Variants in NDUFAF5 observed in about 807,000 individuals in gnomAD.
NDUFAF5 encodes NADH:ubiquinone oxidoreductase complex assembly factor 5.
A neutral mutation model predicts 48.9 loss-of-function variants in NDUFAF5; 34 were observed. That is an observed-to-expected ratio of 0.70 (90% CI 0.53 to 0.93). NDUFAF5 has a LOEUF of 0.93. Ranked by LOEUF, NDUFAF5 falls within the 40% of genes least tolerant of loss-of-function variation. The probability of loss-of-function intolerance (pLI) is 0.00; values close to 1 mark genes in which losing one functional copy is unlikely to be tolerated. For missense variants in NDUFAF5, 428 were observed against 427.5 expected, an observed-to-expected ratio of 1.00 and a Z score of -0.01; for synonymous variants, 153 against 150.6, an observed-to-expected ratio of 1.02 and a Z score of -0.12.
chr20:13,814,508 G>T, intron 8 of NDUFAF5: 1 of 1,280,474 alleles, frequency 7.8e-7, no homozygotes, highest in Non-Finnish European at 1.0e-6. Flanking sequence ...TTTCACAGTG[G>T]TCTTAAGGTA....
chr20:13,816,309 G>T (rs926660556), intron 8 of NDUFAF5, 154 bp from the exon 9 acceptor site: 3 of 703,458 alleles, frequency 4.3e-6, no homozygotes, highest in African/African-American at 3.5e-5. Flanking sequence ...AAGAAACCCA[G>T]TTATAATCTG....
At position 13,798,454 on chromosome 20, in the gene NDUFAF5, ATT is replaced by A; in HGVS notation, c.480-4_480-3del. 6.2e-7 allele frequency: 1 copy of A among 1,606,836 alleles called. No homozygotes were observed. The highest frequency in any genetic ancestry group is 8.5e-7 in the Non-Finnish European group (1 of 1,173,592). ...AGCTAAAACAAATCTGTATTCTCAT[ATT>A]TTAGTTTGCATTGGGTGAATGACCT... On this transcript the variant is annotated splice_polypyrimidine_tract_variant and splice_region_variant and intron_variant, in intron 5 of 10. Coordinates refer to ENST00000378106, the MANE Select transcript of NDUFAF5 (RefSeq NM_024120.5).
chr20:13,811,001 C>G (rs1985788063), intron 8 of NDUFAF5, among the ~76,000 whole-genome samples: 1 of 152,094 alleles, frequency 6.6e-6, no homozygotes, highest in Admixed American at 6.5e-5. Flanking sequence ...TGACCATCAA[C>G]AGGAGGTGGC....
At chr20:13,790,350 C>T (rs544314141) in intron 3 of NDUFAF5, among the ~76,000 whole-genome samples, 2 of 152,190 alleles carry the variant, frequency 1.3e-5, no homozygotes, top group East Asian at 3.9e-4. Flanking sequence ...CGCCAAAAAA[C>T]ATTTTTATTG....
At chr20:13,797,590 G>A (rs1212570769) in intron 5 of NDUFAF5, among the ~76,000 whole-genome samples, 1 of 152,134 alleles carries the variant, frequency 6.6e-6, no homozygotes, top group Non-Finnish European at 1.5e-5. Context: ...GTAGGGGAAG[G>A]ATGAATAGGT....
Position 13,785,088 on chromosome 20 carries a change from T to A in NDUFAF5, c.20T>A (p.Leu7His). The part of the protein sequence containing the change: MLRPAG[L>H]WRLCRRPWAA... ...CTGGAGATGCTGCGGCCGGCAGGGC[T>A]CTGGCGCTTATGTCGGCGACCTTGG... Residue 7 changes from leucine to histidine, a missense_variant, in exon 1 of 11, where the codon CTC becomes CAC. Physicochemically the swap from Leu to His is moderately conservative, Grantham distance 99. Transcript: ENST00000378106. The A allele has an allele frequency of 6.2e-7, 1 of 1,612,710 alleles. No individual in the cohort carries two copies. Among genetic ancestry groups the A allele is most frequent in the Non-Finnish European group, 8.5e-7 (1 of 1,179,896 alleles).
At chr20:13,798,288 C>G (rs1041238077) in intron 5 of NDUFAF5, among the ~76,000 whole-genome samples, 173 bp from the exon 6 acceptor site, 1 of 152,130 alleles carries the variant, frequency 6.6e-6, no homozygotes, top group African/African-American at 2.4e-5. Context: ...GCAGGTTTTC[C>G]TCTAGGAATA....
In NDUFAF5 at chr20:13,798,481, T is replaced by C; in HGVS notation, c.500T>C (p.Leu167Pro). The C allele has an allele frequency of 3.1e-6, 5 of 1,611,756 alleles. No homozygotes were observed. Among genetic ancestry groups the C allele is most frequent in the Non-Finnish European group, 4.2e-6 (5 of 1,177,984 alleles). ...SSLSLHWVNDLPRALEQIHYI... is the reference protein window; with the variant it reads ...SSLSLHWVNDPPRALEQIHYI... ...TTTAGTTTGCATTGGGTGAATGACC[T>C]TCCTAGAGCACTTGAGCAGGTAAGA... Residue 167 changes from leucine (L) to proline (P), a missense_variant, in exon 6 of 11, where the codon CTT becomes CCT. Transcript: ENST00000378106.
chr20:13,803,767 A>G (rs1984566924), intron 7 of NDUFAF5, among the ~76,000 whole-genome samples: 1 of 152,198 alleles, frequency 6.6e-6, no homozygotes, highest in Non-Finnish European at 1.5e-5. Flanking sequence ...TTTTTAATAA[A>G]AAATAACTAT....
chr20:13,802,824 A>C (rs1984414373), intron 7 of NDUFAF5, among the ~76,000 whole-genome samples: 1 of 152,058 alleles, frequency 6.6e-6, no homozygotes, highest in African/African-American at 2.4e-5. Context: ...TTCTAGAACT[A>C]GGCTTCCAAG....
rs765691372 is a variant in NDUFAF5, at chr20:13,817,141, C to T, written c.969C>T (p.Ser323=). The change falls in exon 11 of 11, where the codon TCC becomes TCT. Residue 323 remains serine (S), a synonymous_variant. Coordinates refer to ENST00000378106, the MANE Select transcript of NDUFAF5 (RefSeq NM_024120.5). ...ESQARPAERG[S]ATVSFGELGK... is the part of the protein sequence containing the mutation. ...AGGCAAGACCAGCTGAAAGAGGTTC[C>T]GCAACTGTGTCATTTGGAGAGCTAG... 23 of 1,613,652 alleles carry T rather than the reference C, an allele frequency of 1.4e-5. No homozygotes were observed. Among genetic ancestry groups the T allele is most frequent in the Admixed American group, 1.2e-4 (7 of 59,966 alleles).
chr20:13,787,993 C>T (rs1387892687), intron 2 of NDUFAF5, among the ~76,000 whole-genome samples: 1 of 151,958 alleles, frequency 6.6e-6, no homozygotes, highest in African/African-American at 2.4e-5. Flanking sequence ...ATAATAGTTC[C>T]AGCTCAGGAT....
At chr20:13,793,282 TTTTA>T in intron 4 of NDUFAF5, 55 bp downstream of exon 4, 1 of 1,377,116 alleles carries the variant, frequency 7.3e-7, no homozygotes, top group Non-Finnish European at 1.0e-6. Context: ...TTTTCTCATA[TTTTA>T]TTTCTTTATT....
intron 7 of NDUFAF5, among the ~76,000 whole-genome samples, chr20:13,805,069 T>C (rs1396175917): frequency 2.0e-5 from 3 of 152,200 alleles, no homozygotes; most frequent in Non-Finnish European, 2.9e-5. Flanking sequence ...AATCGTCTCC[T>C]ATATTGCTGT....
At chr20:13,798,572 A>G (rs1166970774) in intron 6 of NDUFAF5, 72 bp downstream of exon 6, 9 of 1,160,702 alleles carry the variant, frequency 7.8e-6, no homozygotes, top group South Asian at 2.5e-5. Flanking sequence ...AGATGTTTCT[A>G]TTTTCACATA....
intron 3 of NDUFAF5, among the ~76,000 whole-genome samples, chr20:13,792,954 C>T (rs988918462): frequency 1.3e-5 from 2 of 152,114 alleles, no homozygotes; most frequent in African/African-American, 4.8e-5. Flanking sequence ...GTAGTAAATT[C>T]GGAATGTTGA....
intron 1 of NDUFAF5, chr20:13,787,087 A>T: frequency 3.5e-6 from 2 of 576,616 alleles, no homozygotes; most frequent in Admixed American, 5.2e-5. Context: ...GTGTGTGTAT[A>T]TGTATATTTT....
In NDUFAF5 at chr20:13,787,774, T is replaced by A. The variant is rs552523893; in HGVS notation, c.263+422T>A. Among the ~76,000 whole-genome samples the A allele has an allele frequency of 8.9e-4, 135 of 152,352 alleles. 6 individuals carry two copies. The South Asian group carries it at 0.028, about 31-fold the overall frequency. On this transcript the variant is annotated intron_variant, in intron 2 of 10. Coordinates refer to ENST00000378106, the MANE Select transcript of NDUFAF5 (RefSeq NM_024120.5). ...TATCTACCACCAGGGATTCTCCAGC[T>A]ATGTACTATAATTTTGACAAAGCTT...
At chr20:13,790,371 T>C (rs977717531) in intron 3 of NDUFAF5, among the ~76,000 whole-genome samples, 4 of 152,218 alleles carry the variant, frequency 2.6e-5, no homozygotes, top group African/African-American at 9.7e-5. Flanking sequence ...ATTCCTCTTA[T>C]ATCCTTCTCT....
Sources: allele counts gnomAD v4.1 joint callset (sites outside exome capture counted in the v4.1 genomes callset), GRCh38; gene constraint gnomAD v4.1.1; transcripts MANE v1.5; gene names NCBI Gene and HGNC (gene_info 2026-07-23, HGNC 2026-07-21).